ANKS1B: variants seen among roughly 807,000 people sequenced by gnomAD.
ANKS1B encodes ankyrin repeat and sterile alpha motif domain containing 1B, also known as ankyrin repeat and sterile alpha motif domain-containing protein 1B.
Under a neutral mutation model 148.3 loss-of-function variants are expected in ANKS1B, and 36 were observed. That is an observed-to-expected ratio of 0.24 (90% CI 0.19 to 0.32). ANKS1B has a LOEUF of 0.32. Among genes scored for constraint, ANKS1B ranks in the 10% least tolerant of loss-of-function variants. ANKS1B has a pLI of 1.00. For synonymous variants in ANKS1B, 542 were observed against 560.8 expected, an observed-to-expected ratio of 0.97 and a Z score of 0.47; for missense variants, 1,157 against 1,542.6, an observed-to-expected ratio of 0.75 and a Z score of 4.19.
At chr12:99,867,951 T>C (rs2090976842) in intron 1 of ANKS1B, among the ~76,000 whole-genome samples, 1 of 152,110 alleles carries the variant, frequency 6.6e-6, no homozygotes, top group South Asian at 2.1e-4. Flanking sequence ...CTGCGATATA[T>C]AGAAAGGATA....
At chr12:99,890,958 C>G (rs933350337) in intron 1 of ANKS1B, among the ~76,000 whole-genome samples, 6 of 152,112 alleles carry the variant, frequency 3.9e-5, no homozygotes, top group African/African-American at 1.4e-4. Flanking sequence ...AATACAGTGC[C>G]CACCATAGGA....
chr12:98,812,332 T>C (rs34325415), intron 19 of ANKS1B, among the ~76,000 whole-genome samples: 19,411 of 152,174 alleles, frequency 0.13, 1,346 homozygotes, highest in Non-Finnish European at 0.14. Flanking sequence ...AGTAACATGC[T>C]GTACAGGTTG....
At chr12:99,251,995 A>G (rs11109777) in intron 12 of ANKS1B, among the ~76,000 whole-genome samples, 18,923 of 152,204 alleles carry the variant, frequency 0.12, 3,062 homozygotes, top group African/African-American at 0.38. Context: ...AGGCAAATCA[A>G]GAAATGCTAT....
chr12:99,144,933 T>C (rs1232751244), intron 15 of ANKS1B, among the ~76,000 whole-genome samples: 1 of 152,032 alleles, frequency 6.6e-6, no homozygotes, highest in East Asian at 1.9e-4. Context: ...TGTGAGACAA[T>C]AAATTTCTCT....
chr12:99,369,823 CGGACGGAT>C (rs1593263055), intron 12 of ANKS1B, among the ~76,000 whole-genome samples: 1 of 149,158 alleles, frequency 6.7e-6, no homozygotes, highest in East Asian at 2.0e-4. Context: ...GACGGACAGA[CGGACGGAT>C]AGACAGACAG....
At chr12:99,075,633 C>A (rs1397696594) in intron 16 of ANKS1B, among the ~76,000 whole-genome samples, 1 of 152,040 alleles carries the variant, frequency 6.6e-6, no homozygotes, top group Non-Finnish European at 1.5e-5. Flanking sequence ...CATCCAATGG[C>A]ACCAATGATT....
chr12:99,308,943 G>A (rs1358390356), intron 12 of ANKS1B, among the ~76,000 whole-genome samples: 1 of 149,314 alleles, frequency 6.7e-6, no homozygotes, highest in Non-Finnish European at 1.5e-5. Flanking sequence ...TGTTACCTGT[G>A]TACTATATAT....
chr12:99,594,897 A>G (rs964491258), intron 9 of ANKS1B, among the ~76,000 whole-genome samples: 3 of 151,806 alleles, frequency 2.0e-5, no homozygotes, highest in Admixed American at 1.3e-4. Context: ...AAAAAAAATT[A>G]TGGTTCATAG....
intron 15 of ANKS1B, among the ~76,000 whole-genome samples, chr12:99,127,983 C>T (rs1221213557): frequency 6.6e-6 from 1 of 152,170 alleles, no homozygotes; most frequent in African/African-American, 2.4e-5. Context: ...ACGAACATCA[C>T]CTACACAGAA....
chr12:98,877,989 G>T (rs1287283050), intron 17 of ANKS1B, among the ~76,000 whole-genome samples: 3 of 152,112 alleles, frequency 2.0e-5, no homozygotes, highest in African/African-American at 7.2e-5. Context: ...CTAGAGGAAT[G>T]AAATCTGTCG....
chr12:99,717,169 T>C (rs11532350), intron 8 of ANKS1B, among the ~76,000 whole-genome samples: 100,184 of 151,320 alleles, frequency 0.66, 33,224 homozygotes, highest in Non-Finnish European at 0.69. Context: ...GTCAAAAGGC[T>C]GTCTTATTCT....
At chr12:99,816,665 G>A (rs1657665270) in intron 2 of ANKS1B, among the ~76,000 whole-genome samples, 2 of 151,792 alleles carry the variant, frequency 1.3e-5, no homozygotes, top group African/African-American at 4.8e-5. Context: ...GAAATATAAA[G>A]TTGTATCCCT....
At chr12:98,894,661 T>A (rs917518295) in intron 17 of ANKS1B, 90 of 985,376 alleles carry the variant, frequency 9.1e-5, no homozygotes, top group Non-Finnish European at 1.1e-4. Flanking sequence ...CGAGCCGGGA[T>A]CCGCGAGGGC....
intron 14 of ANKS1B, among the ~76,000 whole-genome samples, chr12:99,168,049 A>G (rs927216225): frequency 3.3e-5 from 5 of 152,228 alleles, no homozygotes; most frequent in African/African-American, 1.2e-4. Flanking sequence ...GGATATGACA[A>G]GATTGGTAGG....
At chr12:99,697,295 C>A (rs1410930686) in intron 8 of ANKS1B, among the ~76,000 whole-genome samples, 1 of 152,150 alleles carries the variant, frequency 6.6e-6, no homozygotes, top group East Asian at 1.9e-4. Flanking sequence ...ATGTTTATAG[C>A]AGCTTTATTC....
chr12:99,155,261 C>T (rs1045715416), intron 14 of ANKS1B, among the ~76,000 whole-genome samples: 2 of 152,106 alleles, frequency 1.3e-5, no homozygotes, highest in Non-Finnish European at 2.9e-5. Context: ...TGATCTGAAG[C>T]TTTGCAGTGT....
chr12:98,761,532 A>G (rs1355396940), intron 25 of ANKS1B, among the ~76,000 whole-genome samples: 1 of 152,170 alleles, frequency 6.6e-6, no homozygotes, highest in Non-Finnish European at 1.5e-5. Flanking sequence ...TGGTCTGTAT[A>G]TTGATGCTAC....
At chr12:99,544,568 T>A (rs2097155810) in intron 9 of ANKS1B, among the ~76,000 whole-genome samples, 1 of 152,204 alleles carries the variant, frequency 6.6e-6, no homozygotes, top group Non-Finnish European at 1.5e-5. Context: ...AGCTTTCTTT[T>A]AGGACAGCTT....
intron 6 of ANKS1B, 113 bp downstream of exon 6, chr12:99,779,758 C>A (rs926353117): frequency 1.1e-5 from 8 of 743,226 alleles, no homozygotes; most frequent in Non-Finnish European, 1.6e-5. Flanking sequence ...AAAAATAAAA[C>A]TAGTAAGTTT....
Sources: gnomAD v4.1 joint callset for allele counts (sites outside exome capture counted in the v4.1 genomes callset) on GRCh38, gnomAD v4.1.1 for gene constraint, MANE v1.5 for transcripts, NCBI Gene and HGNC (gene_info 2026-07-23, HGNC 2026-07-21) for gene names.